The following SMARCA2 variants were observed in gnomAD, a reference collection of about 807,000 sequenced individuals.
SMARCA2 encodes SWI/SNF related BAF chromatin remodeling complex subunit ATPase 2.
In SMARCA2, 61 loss-of-function variants were observed where a neutral mutation model predicts 199.8. The ratio of observed to expected loss-of-function variants is 0.31; its 90% CI spans 0.25 to 0.38. SMARCA2 has a LOEUF of 0.38. SMARCA2 is among the 10% of genes least tolerant of loss of function. SMARCA2 has a pLI of 1.00. For missense variants in SMARCA2, 1,344 were observed against 2,012.2 expected, an observed-to-expected ratio of 0.67 and a Z score of 6.35; for synonymous variants, 935 against 732.0, an observed-to-expected ratio of 1.28 and a Z score of -4.48.
In SMARCA2 at chr9:2,047,312, CCCG is replaced by C. The variant is rs1819903050; in HGVS notation, c.876_878del (p.Ala295del). On this transcript the variant is annotated inframe_deletion, in exon 5 of 34. Coordinates refer to ENST00000349721, the MANE Select transcript of SMARCA2 (RefSeq NM_003070.5). ...CGGCGGCCGGCCCTCGCCCGCGCCC[CCCG>C]CAGCCGCGCAGCCGCCCGCGGCCGC... 1 of 1,020,468 alleles carries C rather than the reference CCCG, an allele frequency of 9.8e-7. No homozygotes were observed. 63.2% of individuals were successfully genotyped at this position (1,020,468 alleles called of 1,614,324 possible).
At chr9:2,065,021 A>T (rs1264613690) in intron 9 of SMARCA2, among the ~76,000 whole-genome samples, 2 of 149,534 alleles carry the variant, frequency 1.3e-5, no homozygotes, top group Non-Finnish European at 3.0e-5. Context: ...CATCTCTACT[A>T]AAAAATACAA....
intron 28 of SMARCA2, among the ~76,000 whole-genome samples, chr9:2,167,757 T>G (rs753856868): frequency 1.3e-5 from 2 of 152,246 alleles, no homozygotes; most frequent in Non-Finnish European, 2.9e-5. Context: ...TTTAGAAATA[T>G]TTCCTTCATT....
intron 4 of SMARCA2, among the ~76,000 whole-genome samples, chr9:2,046,328 ATTAAC>A (rs1281410964): frequency 7.2e-5 from 11 of 152,216 alleles, no homozygotes; most frequent in Non-Finnish European, 1.5e-4. Flanking sequence ...ATTATTTTAA[ATTAAC>A]TTAATCAATG....
At position 2,103,306 on chromosome 9, in the gene SMARCA2, T is replaced by G. The variant is rs540531513; in HGVS notation, c.3126-697T>G. 1.8e-4 allele frequency among the ~76,000 whole-genome samples: 27 copies of G among 152,324 alleles called. No individual in the cohort carries two copies. In the South Asian group the frequency reaches 5.4e-3, roughly 30 times the overall value. ...CAATAGAGATGAGTGAGTGTGGCTG[T>G]GTTCTGATAAAACCTTATTTGTAAA... On this transcript the variant is annotated intron_variant, in intron 22 of 33. Coordinates refer to ENST00000349721, the MANE Select transcript of SMARCA2 (RefSeq NM_003070.5).
chr9:2,020,989 A>G (rs1201908527), intron 1 of SMARCA2, among the ~76,000 whole-genome samples: 1 of 152,192 alleles, frequency 6.6e-6, no homozygotes, highest in Non-Finnish European at 1.5e-5. Flanking sequence ...AGGATATTTT[A>G]TTAGATAGCT....
At chr9:2,049,948 CTT>C (rs1407898228) in intron 5 of SMARCA2, among the ~76,000 whole-genome samples, 2 of 152,134 alleles carry the variant, frequency 1.3e-5, no homozygotes, top group Admixed American at 6.5e-5. Flanking sequence ...ATTTGATAAA[CTT>C]AGTTTCAGCA....
chr9:2,187,460 C>G (rs947983796), intron 32 of SMARCA2, among the ~76,000 whole-genome samples: 1 of 152,080 alleles, frequency 6.6e-6, no homozygotes, highest in Non-Finnish European at 1.5e-5. Context: ...TAGCTTGAGG[C>G]TAGGAGTTCA....
At chr9:2,067,354 G>A (rs947804773) in intron 9 of SMARCA2, among the ~76,000 whole-genome samples, 1 of 152,192 alleles carries the variant, frequency 6.6e-6, no homozygotes, top group Admixed American at 6.5e-5. Context: ...GCCCTTGTAG[G>A]TGTGGGAATG....
intron 25 of SMARCA2, among the ~76,000 whole-genome samples, chr9:2,117,383 T>C (rs1823259752): frequency 6.6e-6 from 1 of 152,216 alleles, no homozygotes. Context: ...GCACTCACTA[T>C]CCACACACAT....
chr9:2,155,071 G>A (rs1039145186), intron 27 of SMARCA2, among the ~76,000 whole-genome samples: 1 of 152,134 alleles, frequency 6.6e-6, no homozygotes, highest in Non-Finnish European at 1.5e-5. Context: ...GCTGAGCATA[G>A]CATGTGCCTA....
In SMARCA2 at chr9:2,054,708, C is replaced by G. The variant is rs1341777082; in HGVS notation, c.1158C>G (p.Leu386=). 2.5e-6 allele frequency: 4 copies of G among 1,613,892 alleles called. No individual in the cohort carries two copies. Among genetic ancestry groups the G allele is most frequent in the East Asian group, 4.5e-5 (2 of 44,878 alleles). The change falls in exon 6 of 34, where the codon CTC becomes CTG. Residue 386 remains leucine (L), a synonymous_variant. Transcript: ENST00000349721. ...ATVELKALRL[L]NFQRQLRQEV... The stretch of plus-strand genomic sequence containing the variant: ...TGGAACTAAAAGCACTTCGGTTACT[C>G]AATTTCCAGCGTCAGGTAATACATT...
At chr9:2,022,669 G>A (rs1586616314) in intron 1 of SMARCA2, among the ~76,000 whole-genome samples, 1 of 152,124 alleles carries the variant, frequency 6.6e-6, no homozygotes, top group Admixed American at 6.5e-5. Flanking sequence ...CTTTTTATAT[G>A]TTTAAAGTAT....
chr9:2,094,823 A>G (rs1040602512), intron 19 of SMARCA2, among the ~76,000 whole-genome samples: 2 of 152,144 alleles, frequency 1.3e-5, no homozygotes, highest in African/African-American at 4.8e-5. Context: ...GAGCCCAGTA[A>G]TATTAGTCCT....
At chr9:2,192,385 T>C (rs1563849955) in intron 33 of SMARCA2, 5 of 320,192 alleles carry the variant, frequency 1.6e-5, no homozygotes, top group African/African-American at 8.8e-5. Context: ...GGGTATTTTT[T>C]TTTCTCCCAT....
At chr9:2,109,744 C>G (rs1156294215) in intron 23 of SMARCA2, among the ~76,000 whole-genome samples, 1 of 152,104 alleles carries the variant, frequency 6.6e-6, no homozygotes, top group Admixed American at 6.5e-5. Context: ...CCAGACCATA[C>G]TTAGTAGTAA....
At chr9:2,150,277 T>C (rs1824994301) in intron 27 of SMARCA2, among the ~76,000 whole-genome samples, 1 of 151,700 alleles carries the variant, frequency 6.6e-6, no homozygotes, top group African/African-American at 2.4e-5. Flanking sequence ...CAACTGGACA[T>C]GTTCTTTCAC....
chr9:2,157,173 T>A (rs1037510402), intron 27 of SMARCA2, among the ~76,000 whole-genome samples: 2 of 152,140 alleles, frequency 1.3e-5, no homozygotes, highest in Non-Finnish European at 2.9e-5. Context: ...TGTAAGAAAA[T>A]CTCTCATATA....
chr9:2,176,551 A>AT (rs961770062), intron 29 of SMARCA2, among the ~76,000 whole-genome samples: 4 of 151,870 alleles, frequency 2.6e-5, no homozygotes, highest in South Asian at 2.1e-4. Flanking sequence ...TATTAGGGTG[A>AT]TTTTTTTGGT....
chr9:2,159,067 A>T (rs1825527745), intron 27 of SMARCA2: 1 of 1,506,728 alleles, frequency 6.6e-7, no homozygotes, highest in Non-Finnish European at 9.0e-7. Flanking sequence ...AAATTGTTTC[A>T]GTTGTTCTGT....
Sources: allele counts gnomAD v4.1 joint callset (sites outside exome capture counted in the v4.1 genomes callset), GRCh38; gene constraint gnomAD v4.1.1; transcripts MANE v1.5; gene names NCBI Gene and HGNC (gene_info 2026-07-23, HGNC 2026-07-21).